The following JARID2 variants were observed in gnomAD, a reference collection of about 807,000 sequenced individuals.
JARID2 encodes the protein protein Jumonji.
In JARID2, 21 loss-of-function variants were observed where a neutral mutation model predicts 125.6. That is an observed-to-expected ratio of 0.17 (90% confidence interval 0.12 to 0.24). JARID2 has a LOEUF of 0.24. JARID2 is among the 10% of genes least tolerant of loss of function. The pLI is 1.00. For synonymous variants in JARID2, 736 were observed against 661.6 expected (o/e 1.11, Z -1.73); for missense variants, 1,303 against 1,639.6 (o/e 0.79, Z 3.55).
intron 2 of JARID2, among the ~76,000 whole-genome samples, chr6:15,401,301 G>T (rs1255472950): frequency 6.6e-6 from 1 of 152,086 alleles, no homozygotes; most frequent in South Asian, 2.1e-4. Flanking sequence ...AATTAATGTC[G>T]CTCTTAAAGC....
At position 15,273,695 on chromosome 6, in the gene JARID2, C is replaced by G. The variant is rs141146154; in HGVS notation, c.45+27111C>G. On this transcript the variant is annotated intron_variant, in intron 1 of 17. Transcript: ENST00000341776. ...CAGCCTGTGCAACAAGAGCGAAACT[C>G]TGTCTCAAAAAACAAACAAACAAGC... Among the ~76,000 whole-genome samples, 294 of 152,246 alleles carry G rather than the reference C, an allele frequency of 1.9e-3. 1 individual carries two copies. Among genetic ancestry groups the G allele is most frequent in the African/African-American group, 6.5e-3 (271 of 41,532 alleles).
At chr6:15,374,722 G>T (rs1764289899) in intron 2 of JARID2, among the ~76,000 whole-genome samples, 1 of 152,212 alleles carries the variant, frequency 6.6e-6, no homozygotes, top group Non-Finnish European at 1.5e-5. Flanking sequence ...CATACCTCTA[G>T]AAGTGTGCTT....
chr6:15,392,000 C>T (rs1172192588), intron 2 of JARID2, among the ~76,000 whole-genome samples: 2 of 151,182 alleles, frequency 1.3e-5, no homozygotes, highest in East Asian at 3.9e-4. Flanking sequence ...TGACCCTGTC[C>T]TTTGGTGTGT....
chr6:15,358,523 G>T (rs373582420), intron 1 of JARID2, among the ~76,000 whole-genome samples: 1 of 152,174 alleles, frequency 6.6e-6, no homozygotes, highest in Non-Finnish European at 1.5e-5. Context: ...TGGGGCAACC[G>T]AAGCTTTGAA....
intron 1 of JARID2, among the ~76,000 whole-genome samples, chr6:15,344,034 G>A (rs544935661): frequency 4.0e-5 from 6 of 151,560 alleles, no homozygotes; most frequent in East Asian, 1.9e-4. Context: ...CAGACAGGGC[G>A]TTGAATGCAA....
At chr6:15,483,736 A>C (rs1016347324) in intron 5 of JARID2, among the ~76,000 whole-genome samples, 1 of 152,102 alleles carries the variant, frequency 6.6e-6, no homozygotes, top group Non-Finnish European at 1.5e-5. Flanking sequence ...TTTTATGTGG[A>C]CATATTTTTT....
Position 15,521,366 on chromosome 6 carries a change from T to C in JARID2, c.*1115T>C, listed in dbSNP as rs1282327432. On this transcript the variant is annotated 3_prime_UTR_variant, in exon 18 of 18. Coordinates refer to ENST00000341776, the MANE Select transcript of JARID2 (RefSeq NM_004973.4). ...AAAGAAAAAAAAATCCCATCCCTTT[T>C]GTACATATGCCTGTAAATTGTTTTA... 6.6e-6 allele frequency: 1 copy of C among 151,420 alleles called. No homozygotes were observed. Among genetic ancestry groups the C allele is most frequent in the Non-Finnish European group, 1.5e-5 (1 of 67,886 alleles). 9.4% of individuals were successfully genotyped at this position (151,420 alleles called of 1,614,324 possible).
chr6:15,407,471 C>T (rs1018019319), intron 2 of JARID2, among the ~76,000 whole-genome samples: 17 of 152,156 alleles, frequency 1.1e-4, no homozygotes, highest in African/African-American at 4.1e-4. Context: ...TTCTTACTTA[C>T]TTGCTAAATC....
chr6:15,353,611 C>G (rs1245488020), intron 1 of JARID2, among the ~76,000 whole-genome samples: 2 of 151,846 alleles, frequency 1.3e-5, no homozygotes, highest in Non-Finnish European at 2.9e-5. Context: ...AAGTTAGGAG[C>G]CTGTCACATT....
chr6:15,425,681 C>T (rs1055318938), intron 3 of JARID2, among the ~76,000 whole-genome samples: 2 of 152,202 alleles, frequency 1.3e-5, no homozygotes, highest in African/African-American at 4.8e-5. Flanking sequence ...CACCATATGC[C>T]TGTCCATCAG....
chr6:15,489,157 CTCCTT>C (rs1770025603), intron 6 of JARID2, among the ~76,000 whole-genome samples: 1 of 152,240 alleles, frequency 6.6e-6, no homozygotes. Flanking sequence ...TGCATCCTGT[CTCCTT>C]TCCCAGAATC....
At chr6:15,299,890 T>G (rs1678618418) in intron 1 of JARID2, among the ~76,000 whole-genome samples, 1 of 152,168 alleles carries the variant, frequency 6.6e-6, no homozygotes, top group Admixed American at 6.5e-5. Context: ...TCTCGTACTT[T>G]ACCCACTGTC....
chr6:15,436,667 A>T (rs1767218367), intron 3 of JARID2, among the ~76,000 whole-genome samples: 3 of 151,928 alleles, frequency 2.0e-5, no homozygotes. Flanking sequence ...ATTTAAAGGG[A>T]CCATGCTCTT....
intron 5 of JARID2, among the ~76,000 whole-genome samples, chr6:15,476,490 G>A (rs1769347532): frequency 1.3e-5 from 2 of 152,206 alleles, no homozygotes; most frequent in African/African-American, 4.8e-5. Context: ...GCAAGAGCCT[G>A]CTGTCCCCAG....
intron 1 of JARID2, among the ~76,000 whole-genome samples, chr6:15,263,126 T>C (rs1759952172): frequency 1.4e-5 from 2 of 147,610 alleles, no homozygotes; most frequent in Admixed American, 1.4e-4. Context: ...GTGGTAGGGG[T>C]CCTCATTTTC....
At chr6:15,328,312 G>A (rs1057085920) in intron 1 of JARID2, among the ~76,000 whole-genome samples, 4 of 152,122 alleles carry the variant, frequency 2.6e-5, no homozygotes, top group African/African-American at 4.8e-5. Flanking sequence ...TATTTACTGG[G>A]CACCCGCTGT....
chr6:15,471,231 G>A (rs1406755330), intron 5 of JARID2, among the ~76,000 whole-genome samples: 5 of 152,170 alleles, frequency 3.3e-5, no homozygotes, highest in African/African-American at 9.7e-5. Flanking sequence ...AGAGACAACC[G>A]AATTATTGAG....
intron 3 of JARID2, among the ~76,000 whole-genome samples, chr6:15,412,291 T>G (rs1304364165): frequency 6.6e-6 from 1 of 152,074 alleles, no homozygotes; most frequent in African/African-American, 2.4e-5. Flanking sequence ...GTAGTGTCAT[T>G]AGGGTATGCA....
chr6:15,366,489 C>G (rs1763978103), intron 1 of JARID2, among the ~76,000 whole-genome samples: 1 of 71,102 alleles, frequency 1.4e-5, no homozygotes, highest in Non-Finnish European at 2.5e-5. Context: ...CTCTAGCGAT[C>G]TCTATATGTG....
Sources: allele counts gnomAD v4.1 joint callset (sites outside exome capture counted in the v4.1 genomes callset), GRCh38; gene constraint gnomAD v4.1.1; transcripts MANE v1.5; gene names NCBI Gene and HGNC (gene_info 2026-07-23, HGNC 2026-07-21).